PCDHA5: variants seen among roughly 807,000 people sequenced by gnomAD.
The protein encoded by PCDHA5 is protocadherin alpha 5.
A neutral mutation model predicts 61.6 loss-of-function variants in PCDHA5; 43 were observed. The observed-to-expected ratio is 0.70, with a 90% CI of 0.55 to 0.90. The LOEUF is 0.90. Among genes scored for constraint, PCDHA5 ranks in the 40% least tolerant of loss-of-function variants. PCDHA5 has a pLI of 0.00. For synonymous variants in PCDHA5, 627 were observed against 543.9 expected (o/e 1.15, Z -2.13); for missense variants, 1,298 against 1,222.7 (o/e 1.06, Z -0.92).
chr5:140,883,000 ATCCGT>A (rs1554176436), intron 1 of PCDHA5: 1 of 1,614,138 alleles, frequency 6.2e-7, no homozygotes, highest in Non-Finnish European at 8.5e-7. Flanking sequence ...AATTTTACCA[ATCCGT>A]TTATAAAGTG....
chr5:140,828,548 C>A (rs2150156612), intron 1 of PCDHA5: 1 of 1,614,200 alleles, frequency 6.2e-7, no homozygotes. Context: ...TTCTGTGTTT[C>A]CACTGGAGGG....
At chr5:140,848,969 C>T in intron 1 of PCDHA5, 2 of 1,604,404 alleles carry the variant, frequency 1.2e-6, no homozygotes, top group Non-Finnish European at 8.5e-7. Context: ...AGGGCGCGTC[C>T]GATGCAGATA....
chr5:140,838,316 G>A (rs1775677807), intron 1 of PCDHA5, among the ~76,000 whole-genome samples: 1 of 146,606 alleles, frequency 6.8e-6, no homozygotes, highest in Non-Finnish European at 1.5e-5. Context: ...TAGAAACAGA[G>A]TTTCACCATG....
At chr5:140,825,100 A>G (rs2150072551) in intron 1 of PCDHA5, 1 of 151,878 alleles carries the variant, frequency 6.6e-6, no homozygotes, top group South Asian at 2.1e-4. Flanking sequence ...GATTTTTTTC[A>G]TATACAAATA....
intron 1 of PCDHA5, chr5:140,967,260 C>G: frequency 6.2e-7 from 1 of 1,613,500 alleles, no homozygotes; most frequent in Non-Finnish European, 8.5e-7. Flanking sequence ...GCGCCTGGAG[C>G]GCGCTTTCAC....
In PCDHA5 at chr5:140,823,390, G is replaced by C; in HGVS notation, c.1615G>C (p.Ala539Pro). Residue 539 changes from alanine to proline, a missense_variant, in exon 1 of 4, where the codon GCG becomes CCG. Physicochemically the swap from Ala to Pro is conservative, Grantham distance 27 (BLOSUM62 -1). Coordinates refer to ENST00000529859, the MANE Select transcript of PCDHA5 (RefSeq NM_018908.3). ...GCAGTTCCAGGTGAGCGCGCGCGACGCGGGCGTGCCGCCTCTGGGCAGCAA... is the reference window on the plus strand; with the variant it reads ...GCAGTTCCAGGTGAGCGCGCGCGACCCGGGCGTGCCGCCTCTGGGCAGCAA... The part of the protein sequence containing the change: ...LLQFQVSARD[A>P]GVPPLGSNVT... 3 of 1,612,906 alleles carry C rather than the reference G, an allele frequency of 1.9e-6. No individual in the cohort carries two copies. The highest frequency in any genetic ancestry group is 2.5e-6 in the Non-Finnish European group (3 of 1,179,822).
chr5:140,823,628 G>A lies in PCDHA5; in HGVS notation c.1853G>A (p.Arg618His), dbSNP rs1434058728. 2.5e-6 allele frequency: 4 copies of A among 1,614,052 alleles called. No homozygotes were observed. The highest frequency in any genetic ancestry group is 3.4e-6 in the Non-Finnish European group (4 of 1,179,958). ...CTGCAGCCAGCGCCTGGCAGTGCGC[G>A]CATCCCGTTCCGCGTGGGGCTGTAC... ...YELQPAPGSARIPFRVGLYTG... is the reference protein window; with the variant it reads ...YELQPAPGSAHIPFRVGLYTG... The change falls in exon 1 of 4, where the codon CGC (arginine) becomes CAC (histidine). Residue 618 changes from arginine (R) to histidine (H), a missense_variant. Arg to His is a conservative substitution (Grantham distance 29, BLOSUM62 0). Transcript: ENST00000529859.
chr5:140,959,525 C>G (rs1356711808), intron 1 of PCDHA5, among the ~76,000 whole-genome samples: 1 of 151,910 alleles, frequency 6.6e-6, no homozygotes, highest in Non-Finnish European at 1.5e-5. Flanking sequence ...TCTTTAAGAC[C>G]ATTAATTCAG....
chr5:140,824,610 G>GTTGTTTTTTT (rs1768193318), intron 1 of PCDHA5: 1 of 95,112 alleles, frequency 1.1e-5, no homozygotes, highest in African/African-American at 4.9e-5. Flanking sequence ...GCTAATTAAA[G>GTTGTTTTTTT]TTTTTTTTTT....
Position 140,846,625 on chromosome 5 carries a change from C to T in PCDHA5, c.2352+22498C>T, listed in dbSNP as rs2150393112. 1.6e-3 allele frequency among the ~76,000 whole-genome samples: 241 copies of T among 149,122 alleles called. 15 individuals are homozygous for T. Among genetic ancestry groups the T allele is most frequent in the African/African-American group, 5.6e-3 (229 of 40,752 alleles). On this transcript the variant is annotated intron_variant, in intron 1 of 3. Coordinates refer to ENST00000529859, the MANE Select transcript of PCDHA5 (RefSeq NM_018908.3). ...TCCTGACCTCCTGATCCGCCCACTT[C>T]GGCCTCCTAAAGTGCTGGGATTACA...
At chr5:140,871,215 C>T (rs782542021) in intron 1 of PCDHA5, 2 of 1,613,854 alleles carry the variant, frequency 1.2e-6, no homozygotes, top group Non-Finnish European at 1.7e-6. Flanking sequence ...TCGCCATCTG[C>T]GTGGTGTCCA....
chr5:140,997,124 C>T (rs933067358), intron 3 of PCDHA5, among the ~76,000 whole-genome samples: 2 of 152,074 alleles, frequency 1.3e-5, no homozygotes, highest in Non-Finnish European at 2.9e-5. Context: ...CCCACATACA[C>T]AATGCCCCCA....
Position 140,822,178 on chromosome 5 carries a change from CAAG to C in PCDHA5, c.406_408del (p.Glu136del), listed in dbSNP as rs2150114388. On this transcript the variant is annotated inframe_deletion, in exon 1 of 4. Transcript: ENST00000529859. Reference sequence around the variant, plus strand: ...TGACAATCCGCCCAGGTTCTCCAGACAAGAACAAAGATTATTCATTTTAGAGTC... The same window carrying C: ...TGACAATCCGCCCAGGTTCTCCAGACAACAAAGATTATTCATTTTAGAGTC... The C allele has an allele frequency of 1.7e-5, 27 of 1,614,126 alleles. No homozygotes were observed. Among genetic ancestry groups the C allele is most frequent in the Middle Eastern group, 1.6e-4 (1 of 6,084 alleles).
chr5:140,942,439 A>G (rs1554214983), intron 1 of PCDHA5, among the ~76,000 whole-genome samples: 1 of 152,082 alleles, frequency 6.6e-6, no homozygotes, highest in Non-Finnish European at 1.5e-5. Flanking sequence ...AACAATAAAC[A>G]AGTAAACTAT....
intron 1 of PCDHA5, among the ~76,000 whole-genome samples, chr5:140,917,332 G>C (rs182473611): frequency 8.9e-5 from 13 of 145,644 alleles, no homozygotes; most frequent in East Asian, 6.0e-4. Flanking sequence ...GGCGGGGGAG[G>C]GGGGGGATGG....
At chr5:140,919,376 CAT>C (rs1245050758) in intron 1 of PCDHA5, among the ~76,000 whole-genome samples, 1 of 152,192 alleles carries the variant, frequency 6.6e-6, no homozygotes, top group Non-Finnish European at 1.5e-5. Context: ...GCAGACAACA[CAT>C]AGTTGGATGT....
intron 1 of PCDHA5, chr5:140,967,347 A>G: frequency 6.2e-7 from 1 of 1,608,324 alleles, no homozygotes; most frequent in South Asian, 1.1e-5. Flanking sequence ...GAGCACTTCG[A>G]GCTGGACCTT....
intron 1 of PCDHA5, chr5:140,884,203 C>G (rs554797854): frequency 6.2e-7 from 1 of 1,613,518 alleles, no homozygotes; most frequent in African/African-American, 1.3e-5. Context: ...CGCCGCACCA[C>G]CGCCTTCTGG....
chr5:140,848,546 G>A, intron 1 of PCDHA5: 1 of 1,595,440 alleles, frequency 6.3e-7, no homozygotes, highest in Non-Finnish European at 8.6e-7. Context: ...TACTGCTCTC[G>A]CTTCTGATCC....
Sources: allele counts gnomAD v4.1 joint callset (sites outside exome capture counted in the v4.1 genomes callset), GRCh38; gene constraint gnomAD v4.1.1; transcripts MANE v1.5; gene names NCBI Gene and HGNC (gene_info 2026-07-23, HGNC 2026-07-21).